Variants in ELAPOR1 observed in about 807,000 individuals in gnomAD.
The protein encoded by ELAPOR1 is endosome/lysosome-associated apoptosis and autophagy regulator 1.
In ELAPOR1, 77 loss-of-function variants were observed where a neutral mutation model predicts 119.7. The observed-to-expected ratio is 0.64, with a 90% CI of 0.54 to 0.78. The LOEUF (loss-of-function observed/expected upper bound fraction) is 0.78. Among genes scored for constraint, ELAPOR1 ranks in the 30% least tolerant of loss-of-function variants. The probability of loss-of-function intolerance (pLI) is 0.00; values close to 1 mark genes in which losing one functional copy is unlikely to be tolerated. For missense variants in ELAPOR1, 1,115 were observed against 1,270.4 expected, an observed-to-expected ratio of 0.88 and a Z score of 1.86; for synonymous variants, 481 against 487.2, an observed-to-expected ratio of 0.99 and a Z score of 0.17.
At chr1:109,186,532 C>G (rs1653054627) in intron 8 of ELAPOR1, 1 of 985,340 alleles carries the variant, frequency 1.0e-6, no homozygotes, top group African/African-American at 1.7e-5. Flanking sequence ...CTTACCAACA[C>G]CACCTCCCCC....
At chr1:109,151,597 G>C (rs1057045195) in intron 1 of ELAPOR1, among the ~76,000 whole-genome samples, 5 of 152,134 alleles carry the variant, frequency 3.3e-5, no homozygotes, top group African/African-American at 1.2e-4. Flanking sequence ...TCCAAATTCT[G>C]ACATTTCTCC....
At chr1:109,160,044 T>C (rs1381014255) in intron 1 of ELAPOR1, among the ~76,000 whole-genome samples, 3 of 152,148 alleles carry the variant, frequency 2.0e-5, no homozygotes, top group Non-Finnish European at 2.9e-5. Context: ...TTGGGAAAAA[T>C]AGACCCAGAG....
In ELAPOR1 at chr1:109,205,724, TA is replaced by T. The variant is rs962501507; in HGVS notation, c.*2713del. 2 of 152,184 alleles carry T rather than the reference TA, an allele frequency of 1.3e-5. No individual in the cohort carries two copies. The highest frequency in any genetic ancestry group is 4.8e-5 in the African/African-American group (2 of 41,448). The allele number at this position is 152,184 out of a possible 1,614,324, so 9.4% of individuals were successfully genotyped here. ...AAATTACATATGTCTTTGACTTCTT[TA>T]TTCTGACTCCACTGATTTTAGCCAT... On this transcript the variant is annotated 3_prime_UTR_variant, in exon 22 of 22. Transcript: ENST00000369939.
intron 1 of ELAPOR1, among the ~76,000 whole-genome samples, chr1:109,135,514 A>T (rs1649416220): frequency 2.0e-5 from 3 of 152,174 alleles, no homozygotes; most frequent in Admixed American, 2.0e-4. Context: ...AAGTGCTGGG[A>T]TTACAGGTGT....
chr1:109,187,438 A>T, intron 8 of ELAPOR1: 3 of 993,984 alleles, frequency 3.0e-6, no homozygotes, highest in Non-Finnish European at 3.6e-6. Context: ...AAATATGGAC[A>T]GAGGCCTTAT....
chr1:109,118,099 C>G (rs1456881156), intron 1 of ELAPOR1, among the ~76,000 whole-genome samples: 1 of 151,608 alleles, frequency 6.6e-6, no homozygotes, highest in Non-Finnish European at 1.5e-5. Flanking sequence ...TGTACTCCAG[C>G]CTGGGCGACA....
chr1:109,124,708 A>G (rs1395096372), intron 1 of ELAPOR1, among the ~76,000 whole-genome samples: 1 of 152,156 alleles, frequency 6.6e-6, no homozygotes, highest in African/African-American at 2.4e-5. Context: ...CTTTTCTCAC[A>G]TCCTTGGCAA....
At chr1:109,184,138 G>A (rs917389348) in intron 7 of ELAPOR1, among the ~76,000 whole-genome samples, 14 of 152,116 alleles carry the variant, frequency 9.2e-5, no homozygotes, top group African/African-American at 3.4e-4. Context: ...TTGGGAGGCC[G>A]AGGAGGGCAG....
At chr1:109,185,868 G>A (rs561233565) in intron 8 of ELAPOR1, among the ~76,000 whole-genome samples, 1 of 152,166 alleles carries the variant, frequency 6.6e-6, no homozygotes, top group Non-Finnish European at 1.5e-5. Flanking sequence ...CTCAGAGGAG[G>A]CCATTTGTTC....
intron 7 of ELAPOR1, among the ~76,000 whole-genome samples, chr1:109,176,092 T>C (rs1652267380): frequency 6.6e-6 from 1 of 152,108 alleles, no homozygotes; most frequent in African/African-American, 2.4e-5. Context: ...AAACCACTGC[T>C]CTGAGGGAAA....
chr1:109,146,985 A>C (rs1008936140), intron 1 of ELAPOR1, among the ~76,000 whole-genome samples: 2 of 151,900 alleles, frequency 1.3e-5, no homozygotes, highest in Admixed American at 6.6e-5. Context: ...GGCTCACTGC[A>C]ACCTCTGCCA....
At chr1:109,174,684 G>T (rs1176034194) in intron 7 of ELAPOR1, among the ~76,000 whole-genome samples, 1 of 151,916 alleles carries the variant, frequency 6.6e-6, no homozygotes, top group Non-Finnish European at 1.5e-5. Context: ...GCAGCTCAGA[G>T]CTAGAGGGAT....
Position 109,164,522 on chromosome 1 carries a change from T to C in ELAPOR1, c.298T>C (p.Phe100Leu), listed in dbSNP as rs1651459253. The C allele has an allele frequency of 6.2e-7, 1 of 1,612,014 alleles. No homozygotes were observed. Among genetic ancestry groups the C allele is most frequent in the African/African-American group, 1.3e-5 (1 of 74,838 alleles). ...ECSFSCNAGE[F>L]LDMKDQSCKP... ...AGCCTTCTCCTGCAACGCCGGGGAGTTTCTGGATATGAAGGACCAGTCATG... is the reference window on the plus strand; with the variant it reads ...AGCCTTCTCCTGCAACGCCGGGGAGCTTCTGGATATGAAGGACCAGTCATG... Residue 100 changes from phenylalanine to leucine, a missense_variant, in exon 3 of 22, where the codon TTT becomes CTT. Transcript: ENST00000369939.
chr1:109,179,956 C>T (rs1169058895), intron 7 of ELAPOR1, among the ~76,000 whole-genome samples: 1 of 152,024 alleles, frequency 6.6e-6, no homozygotes, highest in Non-Finnish European at 1.5e-5. Flanking sequence ...TTTTGAAAGA[C>T]CACTCTGGCT....
Position 109,188,289 on chromosome 1 carries a change from G to T in ELAPOR1, c.1154G>T (p.Gly385Val). The change falls in exon 9 of 22, where the codon GGC (glycine) becomes GTC (valine). Residue 385 changes from glycine (G) to valine (V), a missense_variant. By Grantham distance (109) the Gly-to-Val change is moderately radical. Coordinates refer to ENST00000369939, the MANE Select transcript of ELAPOR1 (RefSeq NM_020775.5). The stretch of plus-strand genomic sequence containing the variant: ...ACCCACTGCCCACCCTGCAACCCAG[G>T]CTTCTTCAAAACCAACAACAGCACC... ...VKTHCPPCNP[G>V]FFKTNNSTCQ... is the part of the protein sequence containing the mutation. 6.2e-7 allele frequency: 1 copy of T among 1,614,162 alleles called. No individual in the cohort carries two copies. The highest frequency in any genetic ancestry group is 8.5e-7 in the Non-Finnish European group (1 of 1,180,014).
chr1:109,200,019 G>A, intron 19 of ELAPOR1, 39 bp downstream of exon 19: 1 of 1,613,430 alleles, frequency 6.2e-7, no homozygotes, highest in Non-Finnish European at 8.5e-7. Context: ...ATGAGAGAAG[G>A]GAATGGGAGA....
chr1:109,131,105 C>A (rs963627100), intron 1 of ELAPOR1, among the ~76,000 whole-genome samples: 5 of 152,166 alleles, frequency 3.3e-5, no homozygotes, highest in Non-Finnish European at 7.4e-5. Flanking sequence ...CTGCAGTCAT[C>A]CAAAAGCTTG....
At chr1:109,180,944 CAG>C (rs1214491051) in intron 7 of ELAPOR1, among the ~76,000 whole-genome samples, 6 of 152,216 alleles carry the variant, frequency 3.9e-5, no homozygotes, top group African/African-American at 1.2e-4. Context: ...GCCTGGGTGA[CAG>C]AGTGAGGCCC....
chr1:109,194,845 C>T (rs1269314354), intron 15 of ELAPOR1, among the ~76,000 whole-genome samples: 12 of 152,218 alleles, frequency 7.9e-5, no homozygotes, highest in Admixed American at 5.9e-4. Flanking sequence ...CGGTGGCTCA[C>T]GCCTGTAATC....
Sources: allele counts gnomAD v4.1 joint callset (sites outside exome capture counted in the v4.1 genomes callset), GRCh38; gene constraint gnomAD v4.1.1; transcripts MANE v1.5; gene names NCBI Gene and HGNC (gene_info 2026-07-23, HGNC 2026-07-21).